Variants in HS3ST4 observed in about 807,000 individuals in gnomAD.
HS3ST4 encodes heparan sulfate-glucosamine 3-sulfotransferase 4, also known as heparan sulfate glucosamine 3-O-sulfotransferase 4.
In HS3ST4, 17 loss-of-function variants were observed where a neutral mutation model predicts 29.2. The ratio of observed to expected loss-of-function variants is 0.58; its 90% CI spans 0.40 to 0.87. HS3ST4 has a LOEUF of 0.87. HS3ST4 is among the 40% of genes least tolerant of loss of function. The probability of loss-of-function intolerance (pLI) is 0.00; values close to 1 mark genes in which losing one functional copy is unlikely to be tolerated. For synonymous variants in HS3ST4, 314 were observed against 285.7 expected (o/e 1.10, Z -1.00); for missense variants, 627 against 634.5 (o/e 0.99, Z 0.13).
At chr16:25,824,818 C>T (rs1385894709) in intron 1 of HS3ST4, 3 of 152,154 alleles carry the variant, frequency 2.0e-5, no homozygotes, top group Non-Finnish European at 4.4e-5. Flanking sequence ...ATATATAGTG[C>T]CCTACTGGCT....
At chr16:26,043,681 C>T (rs974476973) in intron 1 of HS3ST4, among the ~76,000 whole-genome samples, 6 of 152,186 alleles carry the variant, frequency 3.9e-5, no homozygotes, top group Non-Finnish European at 7.3e-5. Context: ...CTCTGAAACA[C>T]GCGCAGCAAT....
intron 1 of HS3ST4, among the ~76,000 whole-genome samples, chr16:25,979,699 A>T (rs1968983933): frequency 6.6e-6 from 1 of 152,214 alleles, no homozygotes; most frequent in South Asian, 2.1e-4. Context: ...AATCAGTGTA[A>T]TGCGCTTGAA....
intron 1 of HS3ST4, among the ~76,000 whole-genome samples, chr16:25,935,151 C>G (rs1014175941): frequency 6.6e-6 from 1 of 152,146 alleles, no homozygotes; most frequent in African/African-American, 2.4e-5. Flanking sequence ...TGAGGCCTCC[C>G]CAGCCATGTG....
At chr16:26,111,674 A>T (rs1267377160) in intron 1 of HS3ST4, among the ~76,000 whole-genome samples, 1 of 152,152 alleles carries the variant, frequency 6.6e-6, no homozygotes, top group African/African-American at 2.4e-5. Flanking sequence ...CTGAACACAT[A>T]GATTTTTATA....
Position 25,985,517 on chromosome 16 carries a change from T to C in HS3ST4, c.735-150095T>C, listed in dbSNP as rs567526938. Among the ~76,000 whole-genome samples the C allele has an allele frequency of 2.4e-4, 36 of 152,286 alleles. 1 individual carries two copies. The highest frequency in any genetic ancestry group is 3.4e-3 in the Middle Eastern group (1 of 294). On this transcript the variant is annotated intron_variant, in intron 1 of 1. Coordinates refer to ENST00000331351, the MANE Select transcript of HS3ST4 (RefSeq NM_006040.3). Reference sequence around the variant, plus strand: ...GAGGGTTCTCTTAACATTAAGTGCATTTTCACCCTTAAGCTTCCATAATAC... The same window carrying C: ...GAGGGTTCTCTTAACATTAAGTGCACTTTCACCCTTAAGCTTCCATAATAC...
intron 1 of HS3ST4, among the ~76,000 whole-genome samples, chr16:26,088,450 G>T (rs577486587): frequency 6.6e-6 from 1 of 152,292 alleles, no homozygotes; most frequent in South Asian, 2.1e-4. Flanking sequence ...TGTAACAGTG[G>T]CTTGGTTGGT....
chr16:25,834,800 A>C (rs1160157485), intron 1 of HS3ST4, among the ~76,000 whole-genome samples: 17 of 152,086 alleles, frequency 1.1e-4, no homozygotes, highest in Non-Finnish European at 2.9e-5. Context: ...TACAAAAATT[A>C]GCTGGGTGTG....
At chr16:25,864,885 AAT>A (rs926356466) in intron 1 of HS3ST4, among the ~76,000 whole-genome samples, 6 of 150,112 alleles carry the variant, frequency 4.0e-5, no homozygotes, top group Non-Finnish European at 4.4e-5. Context: ...TATACAATGG[AAT>A]ATATATATAT....
chr16:25,810,171 A>G lies in HS3ST4; in HGVS notation c.734+117020A>G, dbSNP rs139530339. 8.4e-3 allele frequency among the ~76,000 whole-genome samples: 1,282 copies of G among 152,066 alleles called. 13 individuals carry two copies. Among genetic ancestry groups the G allele is most frequent in the Middle Eastern group, 0.024 (7 of 294 alleles). On this transcript the variant is annotated intron_variant, in intron 1 of 1. Transcript: ENST00000331351. ...CATATGTAGTTACGGTGTACTTTCA[A>G]TTTTATTTAGTCCTCTATATTTTTT...
chr16:25,956,135 T>G (rs2141699425), intron 1 of HS3ST4, among the ~76,000 whole-genome samples: 1 of 152,226 alleles, frequency 6.6e-6, no homozygotes, highest in South Asian at 2.1e-4. Flanking sequence ...TTTTTAAAGG[T>G]ATGTAGAGAA....
chr16:25,702,086 G>A (rs568974774), intron 1 of HS3ST4, among the ~76,000 whole-genome samples: 4 of 152,280 alleles, frequency 2.6e-5, no homozygotes, highest in Non-Finnish European at 4.4e-5. Context: ...AGCCTGAAGT[G>A]CTCATTACTG....
At chr16:25,705,851 T>C (rs1966372621) in intron 1 of HS3ST4, among the ~76,000 whole-genome samples, 1 of 152,122 alleles carries the variant, frequency 6.6e-6, no homozygotes, top group African/African-American at 2.4e-5. Flanking sequence ...AACTCCACAG[T>C]GATTTTGCAA....
intron 1 of HS3ST4, among the ~76,000 whole-genome samples, chr16:25,708,845 C>A (rs1567224319): frequency 6.6e-6 from 1 of 152,118 alleles, no homozygotes; most frequent in African/African-American, 2.4e-5. Context: ...TTCCCTTTTC[C>A]CATCCTTCCA....
intron 1 of HS3ST4, among the ~76,000 whole-genome samples, chr16:25,867,711 G>A (rs1271343626): frequency 1.3e-5 from 2 of 152,058 alleles, no homozygotes; most frequent in Admixed American, 6.6e-5. Flanking sequence ...GGCACATATT[G>A]GGTGCTCAAA....
At chr16:26,065,755 T>C (rs1898534799) in intron 1 of HS3ST4, among the ~76,000 whole-genome samples, 1 of 152,216 alleles carries the variant, frequency 6.6e-6, no homozygotes. Context: ...TCAACATTTA[T>C]TGAGAGTTCT....
At chr16:26,060,063 C>T (rs1325359145) in intron 1 of HS3ST4, among the ~76,000 whole-genome samples, 2 of 152,200 alleles carry the variant, frequency 1.3e-5, no homozygotes, top group Admixed American at 6.5e-5. Context: ...CAGGCGTGAG[C>T]CACTGCGCCC....
intron 1 of HS3ST4, among the ~76,000 whole-genome samples, chr16:25,836,018 A>G (rs1202836070): frequency 2.6e-5 from 4 of 152,116 alleles, no homozygotes; most frequent in Non-Finnish European, 5.9e-5. Flanking sequence ...AATCATAGTC[A>G]TGTCCAGACC....
At chr16:25,893,784 A>G (rs1453144981) in intron 1 of HS3ST4, among the ~76,000 whole-genome samples, 2 of 152,226 alleles carry the variant, frequency 1.3e-5, no homozygotes, top group Non-Finnish European at 2.9e-5. Flanking sequence ...GGCATTGGAC[A>G]GGTGAAAATA....
At chr16:26,127,037 G>C (rs1596691213) in intron 1 of HS3ST4, among the ~76,000 whole-genome samples, 1 of 152,018 alleles carries the variant, frequency 6.6e-6, no homozygotes, top group Non-Finnish European at 1.5e-5. Flanking sequence ...GTGGTGGTGG[G>C]TGGGGGTGGT....
Sources: gnomAD v4.1 joint callset for allele counts (sites outside exome capture counted in the v4.1 genomes callset) on GRCh38, gnomAD v4.1.1 for gene constraint, MANE v1.5 for transcripts, NCBI Gene and HGNC (gene_info 2026-07-23, HGNC 2026-07-21) for gene names.